The following TRIP4 variants were observed in gnomAD, a reference collection of about 807,000 sequenced individuals.
TRIP4 encodes the protein activating signal cointegrator 1.
In TRIP4, 54 loss-of-function variants were observed where a neutral mutation model predicts 81.8. That is an observed-to-expected ratio of 0.66 (90% CI 0.53 to 0.83). The LOEUF is 0.83. Ranked by LOEUF, TRIP4 falls within the 40% of genes least tolerant of loss-of-function variation. The pLI is 0.00. For missense variants in TRIP4, 662 were observed against 683.6 expected, an observed-to-expected ratio of 0.97 and a Z score of 0.35; for synonymous variants, 270 against 242.8, an observed-to-expected ratio of 1.11 and a Z score of -1.04.
At chr15:64,431,847 A>ATATATATATATATATT in intron 11 of TRIP4, among the ~76,000 whole-genome samples, 1 of 119,560 alleles carries the variant, frequency 8.4e-6, no homozygotes, top group Non-Finnish European at 1.6e-5. Flanking sequence ...ATATATATAT[A>ATATATATATATATATT]TTTTTTTTAT....
intron 12 of TRIP4, among the ~76,000 whole-genome samples, chr15:64,452,982 C>G (rs973048265): frequency 2.0e-5 from 3 of 151,964 alleles, no homozygotes; most frequent in Non-Finnish European, 4.4e-5. Context: ...GTCAGGAGTT[C>G]AAGACCAACT....
Position 64,397,720 on chromosome 15 carries a change from C to T in TRIP4, c.520C>T (p.Leu174=), listed in dbSNP as rs1200927414. 7 of 1,614,124 alleles carry T rather than the reference C, an allele frequency of 4.3e-6. No homozygotes were observed. The East Asian group carries it at 1.6e-4, about 36-fold the overall frequency. Residue 174 remains leucine (L), a synonymous_variant, in exon 4 of 13, where the codon CTG becomes TTG. Transcript: ENST00000261884. The stretch of plus-strand genomic sequence containing the variant: ...CCCTGGTCGTCACCCTTGTGATTGC[C>T]TGGGCCAGAAGCACAAGCTCATCAA... ...LLPGRHPCDC[L]GQKHKLINNC...
At chr15:64,412,916 T>G (rs902770344) in intron 7 of TRIP4, among the ~76,000 whole-genome samples, 21 of 152,260 alleles carry the variant, frequency 1.4e-4, no homozygotes, top group African/African-American at 5.1e-4. Context: ...GAGCCAGATA[T>G]CCAATGCCAA....
At chr15:64,451,811 G>A (rs969765740) in intron 12 of TRIP4, among the ~76,000 whole-genome samples, 8 of 149,834 alleles carry the variant, frequency 5.3e-5, no homozygotes, top group South Asian at 2.1e-4. Flanking sequence ...CCTCCACCAC[G>A]CCCAACTAAT....
chr15:64,441,500 G>T (rs1459119301), intron 11 of TRIP4, among the ~76,000 whole-genome samples: 2 of 149,892 alleles, frequency 1.3e-5, no homozygotes, highest in Non-Finnish European at 3.0e-5. Context: ...AGGGCCGGGC[G>T]TGGTGGCTCA....
Position 64,409,675 on chromosome 15 carries a change from G to A in TRIP4, c.890G>A (p.Trp297Ter), listed in dbSNP as rs1891715888. The change falls in exon 7 of 13, where the codon TGG (tryptophan) becomes TAG (stop). Residue 297 changes from tryptophan (W) to a stop codon, truncating the protein, a stop_gained. Coordinates refer to ENST00000261884, the MANE Select transcript of TRIP4 (RefSeq NM_016213.5). LOFTEE classifies it high-confidence loss of function. ...SDYFASDSNQWLSKLERETLQ... is the reference protein window; with the variant it reads ...SDYFASDSNQ ...TACTTTGCCAGTGATTCTAACCAAT[G>A]GTTGTCCAAACTTGAGCGGGAAACC... The A allele has an allele frequency of 1.2e-6, 2 of 1,614,180 alleles. No individual in the cohort carries two copies. Among genetic ancestry groups the A allele is most frequent in the Non-Finnish European group, 8.5e-7 (1 of 1,180,038 alleles).
intron 8 of TRIP4, among the ~76,000 whole-genome samples, chr15:64,415,045 T>C (rs886194750): frequency 8.6e-5 from 13 of 151,352 alleles, no homozygotes; most frequent in African/African-American, 3.2e-4. Flanking sequence ...CAGTGAGCTA[T>C]GATCATGCCA....
chr15:64,449,537 A>G (rs1187831944), intron 12 of TRIP4, among the ~76,000 whole-genome samples: 1 of 151,462 alleles, frequency 6.6e-6, no homozygotes, highest in African/African-American at 2.4e-5. Flanking sequence ...CTTGCAAATA[A>G]ACTTTCAGAA....
chr15:64,440,941 G>A (rs1892502122), intron 11 of TRIP4, among the ~76,000 whole-genome samples: 1 of 151,882 alleles, frequency 6.6e-6, no homozygotes, highest in South Asian at 2.1e-4. Flanking sequence ...CCCAGCATGT[G>A]TGTATTCACC....
intron 11 of TRIP4, among the ~76,000 whole-genome samples, chr15:64,432,044 G>A (rs1240102684): frequency 1.7e-4 from 26 of 150,276 alleles, no homozygotes; most frequent in African/African-American, 6.4e-4. Context: ...GCACCACCAC[G>A]CCCGGCTAAT....
intron 12 of TRIP4, among the ~76,000 whole-genome samples, chr15:64,452,373 T>A (rs1892789698): frequency 6.6e-6 from 1 of 152,222 alleles, no homozygotes; most frequent in Admixed American, 6.5e-5. Flanking sequence ...ATTTGGGATT[T>A]TGGATTTCTG....
intron 12 of TRIP4, among the ~76,000 whole-genome samples, chr15:64,445,667 CA>C (rs34704960): frequency 0.018 from 1,392 of 77,920 alleles, 10 homozygotes; most frequent in African/African-American, 0.076. Context: ...CACTCAGTCT[CA>C]AAAAAAAAAA....
chr15:64,436,294 CAAAAG>C (rs939959724), intron 11 of TRIP4, among the ~76,000 whole-genome samples: 8 of 146,946 alleles, frequency 5.4e-5, no homozygotes, highest in African/African-American at 1.8e-4. Context: ...CACTCCGTCT[CAAAAG>C]AAAAAAAAAA....
chr15:64,451,219 TCTC>T (rs1892749964), intron 12 of TRIP4, among the ~76,000 whole-genome samples: 1 of 151,920 alleles, frequency 6.6e-6, no homozygotes, highest in Non-Finnish European at 1.5e-5. Context: ...TTCAAGCAAT[TCTC>T]CTGCCTCAGC....
intron 8 of TRIP4, among the ~76,000 whole-genome samples, chr15:64,417,683 C>G (rs1363923768): frequency 1.3e-5 from 2 of 152,146 alleles, no homozygotes; most frequent in Admixed American, 6.6e-5. Flanking sequence ...GTCCTCCACC[C>G]TCTCTTTCAG....
At chr15:64,414,288 T>G in intron 8 of TRIP4, 77 bp downstream of exon 8, 1 of 1,576,288 alleles carries the variant, frequency 6.3e-7, no homozygotes, top group Non-Finnish European at 8.6e-7. Flanking sequence ...GTCTATTTCA[T>G]AGACTTCAGA....
At chr15:64,451,030 A>G in intron 12 of TRIP4, 1 of 189,512 alleles carries the variant, frequency 5.3e-6, no homozygotes, top group Non-Finnish European at 1.1e-5. Context: ...AATTGAAACC[A>G]TAACTAAGAA....
At chr15:64,405,772 A>G (rs1222917679) in intron 5 of TRIP4, among the ~76,000 whole-genome samples, 1 of 151,938 alleles carries the variant, frequency 6.6e-6, no homozygotes, top group Non-Finnish European at 1.5e-5. Flanking sequence ...AGTTGGGAGG[A>G]TTGCTTGAAG....
At position 64,389,732 on chromosome 15, in the gene TRIP4, A is replaced by G. The variant is rs1252581370; in HGVS notation, c.101+1768A>G. Among the ~76,000 whole-genome samples the G allele has an allele frequency of 2.2e-5, 3 of 136,062 alleles. No individual in the cohort carries two copies. In the South Asian group the frequency reaches 6.9e-4, roughly 31 times the overall value. 89.3% of individuals were successfully genotyped at this position (136,062 alleles called of 152,430 possible). On this transcript the variant is annotated intron_variant, in intron 1 of 12. Coordinates refer to ENST00000261884, the MANE Select transcript of TRIP4 (RefSeq NM_016213.5). ...ACTTTTTTTTTTTTTTTTTTTTGAG[A>G]CAGATTCTGTTGCCCAGGCTGGAGT... is the stretch of plus-strand genomic sequence containing the variant.
Sources: gnomAD v4.1 joint callset for allele counts (sites outside exome capture counted in the v4.1 genomes callset) on GRCh38, gnomAD v4.1.1 for gene constraint, MANE v1.5 for transcripts, NCBI Gene and HGNC (gene_info 2026-07-23, HGNC 2026-07-21) for gene names.